SFXN5: variants seen among roughly 807,000 people sequenced by gnomAD.
SFXN5 encodes the protein sideroflexin 5.
In SFXN5, 43 loss-of-function variants were observed where a neutral mutation model predicts 50.2. The observed-to-expected ratio is 0.86, with a 90% CI of 0.67 to 1.11. The LOEUF is 1.11. Among genes scored for constraint, SFXN5 ranks in the 50% least tolerant of loss-of-function variants. The pLI, the probability that SFXN5 is intolerant of heterozygous loss-of-function variation, is 0.00. For synonymous variants in SFXN5, 203 were observed against 185.8 expected (o/e 1.09, Z -0.75); for missense variants, 463 against 454.1 (o/e 1.02, Z -0.18).
At chr2:73,032,097 G>A (rs1678377296) in intron 3 of SFXN5, among the ~76,000 whole-genome samples, 1 of 152,122 alleles carries the variant, frequency 6.6e-6, no homozygotes, top group Non-Finnish European at 1.5e-5. Flanking sequence ...CCACCCACAA[G>A]CCAAGAGCTG....
rs759356947 is a variant in SFXN5, at chr2:72,988,272, G to A, written c.611C>T (p.Pro204Leu). The A allele has an allele frequency of 8.7e-6, 14 of 1,613,738 alleles. No homozygotes were observed. The highest frequency in any genetic ancestry group is 4.4e-5 in the South Asian group (4 of 91,064). ...ATRLLIQRFV[P>L]FPAVASANIC... ...GCAGGTCTTACCTACAGCAGGGAACGGCACAAACCTCTGGATGAGAAGGCG... is the reference window on the plus strand; with the variant it reads ...GCAGGTCTTACCTACAGCAGGGAACAGCACAAACCTCTGGATGAGAAGGCG... Residue 204 changes from proline (P) to leucine (L), a missense_variant, in exon 10 of 14, where the codon CCG (proline) becomes CTG (leucine). Transcript: ENST00000272433.
intron 1 of SFXN5, among the ~76,000 whole-genome samples, chr2:73,063,025 T>C (rs1293863776): frequency 2.0e-5 from 3 of 152,072 alleles, no homozygotes; most frequent in Non-Finnish European, 4.4e-5. Flanking sequence ...TGACCGACTG[T>C]GGGGAAATGA....
rs146536427 is a variant in SFXN5 at position 73,061,692 on chromosome 2, G to C, written c.103-3096C>G. On this transcript the variant is annotated intron_variant, in intron 1 of 13. Coordinates refer to ENST00000272433, the MANE Select transcript of SFXN5 (RefSeq NM_144579.3). Reference sequence around the variant, plus strand: ...ATGAAAATATACTAAAATGCTAATAGAGATTGCCTCTGGGTAATAGGCTTA... The same window carrying C: ...ATGAAAATATACTAAAATGCTAATACAGATTGCCTCTGGGTAATAGGCTTA... Among the ~76,000 whole-genome samples, 780 of 152,250 alleles carry C rather than the reference G, an allele frequency of 5.1e-3. 12 individuals are homozygous for C. Among genetic ancestry groups the C allele is most frequent in the African/African-American group, 0.018 (744 of 41,540 alleles).
intron 12 of SFXN5, among the ~76,000 whole-genome samples, chr2:72,966,408 G>C (rs975138741): frequency 2.6e-5 from 4 of 152,140 alleles, no homozygotes; most frequent in Admixed American, 2.6e-4. Context: ...GCAGTCACTG[G>C]TATTCAGGGA....
rs1573963591 is a variant in SFXN5 at position 72,961,954 on chromosome 2, C to T, written c.828-706G>A. Among the ~76,000 whole-genome samples, 1 of 152,182 alleles carries T rather than the reference C, an allele frequency of 6.6e-6. No homozygotes were observed. Among genetic ancestry groups the T allele is most frequent in the East Asian group, 1.9e-4 (1 of 5,192 alleles). On this transcript the variant is annotated intron_variant, in intron 12 of 13. Coordinates refer to ENST00000272433, the MANE Select transcript of SFXN5 (RefSeq NM_144579.3). The surrounding 1 kb of genome is among the most constrained non-coding windows in gnomAD (Gnocchi z 4.4). ...CATCACCAACACAACACAGCTGGCA[C>T]CCTCTTCCCATGGCTGGCTTCGGAG...
At chr2:72,982,515 G>T (rs1671431145) in intron 10 of SFXN5, among the ~76,000 whole-genome samples, 2 of 152,222 alleles carry the variant, frequency 1.3e-5, no homozygotes, top group South Asian at 4.1e-4. Context: ...ATTGAGCACT[G>T]ACTGTGTGCC....
chr2:73,048,094 T>A (rs993088972), intron 2 of SFXN5, among the ~76,000 whole-genome samples: 3 of 152,238 alleles, frequency 2.0e-5, no homozygotes, highest in African/African-American at 7.2e-5. Context: ...ACCATGGATA[T>A]CCATTGCTAT....
At chr2:72,972,850 G>A (rs999189782) in intron 10 of SFXN5, among the ~76,000 whole-genome samples, 1 of 152,106 alleles carries the variant, frequency 6.6e-6, no homozygotes, top group Non-Finnish European at 1.5e-5. Context: ...GCCTGGGAGC[G>A]ACTGCAGTTC....
Position 73,054,907 on chromosome 2 carries a change from T to TACTTC in SFXN5, c.171+3616_171+3620dup, listed in dbSNP as rs1182505131. Reference sequence around the variant, plus strand: ...GTAATTGCATTGATTATTCCTTGATTACTTCTTAGGAGAATCCAGACAGAG... The same window carrying TACTTC: ...GTAATTGCATTGATTATTCCTTGATTACTTCACTTCTTAGGAGAATCCAGACAGAG... On this transcript the variant is annotated intron_variant, in intron 2 of 13. Coordinates refer to ENST00000272433, the MANE Select transcript of SFXN5 (RefSeq NM_144579.3). Among the ~76,000 whole-genome samples, 7 of 152,256 alleles carry TACTTC rather than the reference T, an allele frequency of 4.6e-5. No individual in the cohort carries two copies. In the East Asian group the frequency reaches 1.2e-3, roughly 25 times the overall value.
rs566015400 is a variant in SFXN5 at position 73,001,472 on chromosome 2, AG to A, written c.411+52del. On this transcript the variant is annotated intron_variant, in intron 7 of 13. Transcript: ENST00000272433. ...ACACCACAGCAGGGAGTTCTTAACCAGCACCTGTGTGGGCCCTTCCTTCAGG... is the reference window on the plus strand; with the variant it reads ...ACACCACAGCAGGGAGTTCTTAACCACACCTGTGTGGGCCCTTCCTTCAGG... The A allele has an allele frequency of 2.1e-4, 333 of 1,595,758 alleles. 1 individual carries two copies. In the African/African-American group the frequency reaches 3.4e-3, roughly 16 times the overall value.
In SFXN5 at chr2:73,059,940, G is replaced by A. The variant is rs1030892884; in HGVS notation, c.103-1344C>T. 5.7e-6 allele frequency: 5 copies of A among 882,414 alleles called. No individual in the cohort carries two copies. In the African/African-American group the frequency reaches 7.3e-5, roughly 13 times the overall value. 54.7% of individuals were successfully genotyped at this position (882,414 alleles called of 1,614,324 possible). A position where few individuals can be genotyped will look rare whatever the true frequency, so the allele number is the denominator to read the frequency against. The stretch of plus-strand genomic sequence containing the variant: ...AAAGGTGGATGGTTAAATAAATGAT[G>A]GTCCATTCATATGACTGAATACTAT... On this transcript the variant is annotated intron_variant, in intron 1 of 13. Transcript: ENST00000272433.
At chr2:73,059,325 G>A (rs971545246) in intron 1 of SFXN5, 1 of 985,648 alleles carries the variant, frequency 1.0e-6, no homozygotes, top group Non-Finnish European at 1.2e-6. Context: ...GAAGACAGAG[G>A]GTGCCAAGCT....
chr2:73,060,724 C>T (rs1682711961), intron 1 of SFXN5, among the ~76,000 whole-genome samples: 1 of 140,652 alleles, frequency 7.1e-6, no homozygotes, highest in Non-Finnish European at 1.5e-5. Context: ...TTTTTTAAGA[C>T]AGGGTCTAAC....
At chr2:73,054,750 T>C (rs967263753) in intron 2 of SFXN5, among the ~76,000 whole-genome samples, 1 of 152,218 alleles carries the variant, frequency 6.6e-6, no homozygotes, top group Admixed American at 6.5e-5. Flanking sequence ...CTCCATCAAA[T>C]AGGTGGCATT....
chr2:73,039,872 G>A (rs1339854904), intron 3 of SFXN5, among the ~76,000 whole-genome samples: 4 of 151,044 alleles, frequency 2.6e-5, no homozygotes, highest in Non-Finnish European at 5.9e-5. Context: ...GTGCAGTGGC[G>A]CAGTCTCGGC....
chr2:73,026,418 C>T (rs1482549446), intron 3 of SFXN5, among the ~76,000 whole-genome samples: 1 of 151,806 alleles, frequency 6.6e-6, no homozygotes, highest in Non-Finnish European at 1.5e-5. Flanking sequence ...CCTCGCCCAA[C>T]ATGGTTGCTG....
At chr2:72,958,629 T>C (rs779994674) in intron 13 of SFXN5, among the ~76,000 whole-genome samples, 1 of 152,100 alleles carries the variant, frequency 6.6e-6, no homozygotes, top group Non-Finnish European at 1.5e-5. Context: ...CTCAGGCTGA[T>C]TGCACAGACA....
intron 3 of SFXN5, among the ~76,000 whole-genome samples, chr2:73,030,019 C>A (rs1032047228): frequency 1.3e-5 from 2 of 152,124 alleles, no homozygotes; most frequent in Non-Finnish European, 1.5e-5. Context: ...CTGCAGTGAG[C>A]TGAGATCACA....
Position 73,021,257 on chromosome 2 carries a change from C to T in SFXN5, c.332-993G>A, listed in dbSNP as rs184894634. Among the ~76,000 whole-genome samples, 124 of 152,240 alleles carry T rather than the reference C, an allele frequency of 8.1e-4. 1 individual carries two copies. The highest frequency in any genetic ancestry group is 2.5e-3 in the Admixed American group (39 of 15,298). Reference sequence around the variant, plus strand: ...CAGCACTTTGGGAGGCCAAAGCAGGCGGATCACTTGAGGTCAGGAGTTCTA... The same window carrying T: ...CAGCACTTTGGGAGGCCAAAGCAGGTGGATCACTTGAGGTCAGGAGTTCTA... On this transcript the variant is annotated intron_variant, in intron 5 of 13. Coordinates refer to ENST00000272433, the MANE Select transcript of SFXN5 (RefSeq NM_144579.3).
Sources: gnomAD v4.1 joint callset for allele counts (sites outside exome capture counted in the v4.1 genomes callset) on GRCh38, gnomAD v4.1.1 for gene constraint, Gnocchi (gnomAD v3.1) non-coding constraint, MANE v1.5 for transcripts, NCBI Gene and HGNC (gene_info 2026-07-23, HGNC 2026-07-21) for gene names.